TRIM23: variants seen among roughly 807,000 people sequenced by gnomAD.
TRIM23 encodes E3 ubiquitin-protein ligase TRIM23.
In TRIM23, 27 loss-of-function variants were observed where a neutral mutation model predicts 71.0. The ratio of observed to expected loss-of-function variants is 0.38; its 90% confidence interval spans 0.28 to 0.52. The LOEUF is 0.52. TRIM23 is among the 20% of genes least tolerant of loss of function. TRIM23 has a pLI of 0.84. For missense variants in TRIM23, 482 were observed against 692.3 expected (o/e 0.70, Z 3.41); for synonymous variants, 234 against 238.0 (o/e 0.98, Z 0.16).
chr5:65,613,286 T>G lies in TRIM23; in HGVS notation c.366+812A>C, dbSNP rs1034632003. Among the ~76,000 whole-genome samples the G allele has an allele frequency of 4.6e-5, 7 of 152,332 alleles. No homozygotes were observed. The East Asian group carries it at 1.2e-3, about 25-fold the overall frequency. On this transcript the variant is annotated intron_variant, in intron 3 of 10. Coordinates refer to ENST00000231524, the MANE Select transcript of TRIM23 (RefSeq NM_001656.4). ...AGCACAGAAAGAACTGCATAACTTT[T>G]AGAAAACAGAGTGTTGCAGTTTGAA...
At chr5:65,606,249 G>T (rs1754497732) in intron 6 of TRIM23, among the ~76,000 whole-genome samples, 1 of 152,088 alleles carries the variant, frequency 6.6e-6, no homozygotes, top group Non-Finnish European at 1.5e-5. Context: ...TTTTAGACCA[G>T]TCTGGGCAAC....
rs777085803 is a variant in TRIM23, at chr5:65,618,141, G to A, written c.196C>T (p.His66Tyr). ...CHDCLTRLPL[H>Y]GRAIRCPFDR... ...AATGGGCAACGGATTGCTCTTCCAT[G>A]AAGAGGTAGGCGAGTGAGACAGTCA... The change falls in exon 2 of 11, where the codon CAT (histidine) becomes TAT (tyrosine). Residue 66 changes from histidine (H) to tyrosine (Y), a missense_variant. This residue lies in a region of TRIM23 where 175 missense variants were observed against 196.5 expected (regional missense o/e 0.89). Transcript: ENST00000231524. The A allele has an allele frequency of 1.2e-5, 19 of 1,613,982 alleles. No individual in the cohort carries two copies. In the East Asian group the frequency reaches 4.2e-4, roughly 36 times the overall value.
At chr5:65,617,711 C>T (rs1754812644) in intron 2 of TRIM23, among the ~76,000 whole-genome samples, 1 of 152,046 alleles carries the variant, frequency 6.6e-6, no homozygotes, top group Non-Finnish European at 1.5e-5. Context: ...ACTCAAATGA[C>T]TTATCTGTAT....
In TRIM23 at chr5:65,591,851, G is replaced by C. The variant is rs765458704; in HGVS notation, c.1643C>G (p.Ala548Gly). The C allele has an allele frequency of 1.2e-6, 2 of 1,613,906 alleles. No individual in the cohort carries two copies. Among genetic ancestry groups the C allele is most frequent in the South Asian group, 2.2e-5 (2 of 91,080 alleles). ...GRSWYIQGCDARSGMGLYEGL... is the reference protein window; with the variant it reads ...GRSWYIQGCDGRSGMGLYEGL... ...TTCATACAGTCCCATACCACTTCGA[G>C]CATCACAGCCCTGAATATACCAGCT... The change falls in exon 11 of 11, where the codon GCT becomes GGT. Residue 548 changes from alanine to glycine, a missense_variant. Physicochemically the swap from Ala to Gly is moderately conservative, Grantham distance 60 (BLOSUM62 0). This residue lies in a region of TRIM23 where 307 missense variants were observed against 495.8 expected (regional missense o/e 0.62). Transcript: ENST00000231524.
chr5:65,620,242 G>A (rs1754894268), intron 1 of TRIM23, among the ~76,000 whole-genome samples: 1 of 152,116 alleles, frequency 6.6e-6, no homozygotes, highest in Non-Finnish European at 1.5e-5. Flanking sequence ...GAGCAATACA[G>A]CTTCTATGGA....
chr5:65,590,312 A>G lies in TRIM23; in HGVS notation c.*1457T>C. 7.0e-7 allele frequency: 1 copy of G among 1,438,476 alleles called. No homozygotes were observed. 89.1% of individuals were successfully genotyped at this position (1,438,476 alleles called of 1,614,324 possible). On this transcript the variant is annotated 3_prime_UTR_variant, in exon 11 of 11. Transcript: ENST00000231524. ...CAGCATGACCTTTTACCTGAAAAAT[A>G]AAGGATGAAATATTACATTTATTTA... is the stretch of plus-strand genomic sequence containing the variant.
In TRIM23 at chr5:65,594,509, A is replaced by C. The variant is rs1458392361; in HGVS notation, c.1545+12T>G. 1 of 1,595,266 alleles carries C rather than the reference A, an allele frequency of 6.3e-7. No homozygotes were observed. Among genetic ancestry groups the C allele is most frequent in the African/African-American group, 1.4e-5 (1 of 73,580 alleles). On this transcript the variant is annotated intron_variant, in intron 10 of 10. Transcript: ENST00000231524. ...CTACTAAAATAAATATTCCAATATA[A>C]AAATGCATTACCTGTTTGTTAGCAA...
chr5:65,621,786 TG>T (rs1754953942), intron 1 of TRIM23, among the ~76,000 whole-genome samples: 1 of 124,686 alleles, frequency 8.0e-6, no homozygotes. Flanking sequence ...TAAATCAAAC[TG>T]TAATCAATCA....
intron 7 of TRIM23, 101 bp from the exon 8 acceptor site, chr5:65,597,281 T>C (rs1007566332): frequency 1.7e-5 from 20 of 1,205,190 alleles, no homozygotes; most frequent in South Asian, 2.9e-5. Flanking sequence ...TCCTCAACCA[T>C]TGCAATCTGA....
Position 65,590,596 on chromosome 5 carries a change from T to C in TRIM23, c.*1173A>G, listed in dbSNP as rs953669338. Reference sequence around the variant, plus strand: ...CCTATTTAAATAAATCGTGCTTCCATAATAATATTCTTTAAAAATGAAAAA... The same window carrying C: ...CCTATTTAAATAAATCGTGCTTCCACAATAATATTCTTTAAAAATGAAAAA... On this transcript the variant is annotated 3_prime_UTR_variant, in exon 11 of 11. Transcript: ENST00000231524. 19 of 1,013,946 alleles carry C rather than the reference T, an allele frequency of 1.9e-5. No homozygotes were observed. The African/African-American group carries it at 3.2e-4, about 17-fold the overall frequency. 62.8% of individuals were successfully genotyped at this position (1,013,946 alleles called of 1,614,324 possible). A position where few individuals can be genotyped will look rare whatever the true frequency, so the allele number is the denominator to read the frequency against.
At chr5:65,612,006 G>T in intron 3 of TRIM23, 125 bp from the exon 4 acceptor site, 2 of 933,450 alleles carry the variant, frequency 2.1e-6, no homozygotes, top group Non-Finnish European at 3.1e-6. Flanking sequence ...AAATATATTG[G>T]TCATTAAGAA....
In TRIM23 at chr5:65,624,119, G is replaced by A. The variant is rs1021987796; in HGVS notation, c.81+75C>T. 3.8e-6 allele frequency: 6 copies of A among 1,587,244 alleles called. No homozygotes were observed. In the African/African-American group the frequency reaches 4.0e-5, roughly 11 times the overall value. The stretch of plus-strand genomic sequence containing the variant: ...TCCCACCTATCGAAGCCTGGGCCGC[G>A]GCGATGCCGCCAGGTCTCCAGGATG... On this transcript the variant is annotated intron_variant, in intron 1 of 10. Coordinates refer to ENST00000231524, the MANE Select transcript of TRIM23 (RefSeq NM_001656.4).
chr5:65,611,408 CT>C (rs776091723), intron 4 of TRIM23, among the ~76,000 whole-genome samples, 194 bp downstream of exon 4: 12 of 151,566 alleles, frequency 7.9e-5, no homozygotes, highest in Non-Finnish European at 1.3e-4. Flanking sequence ...CATGATGCCT[CT>C]TTGAAGTTTT....
At chr5:65,615,925 G>A (rs1429469596) in intron 2 of TRIM23, among the ~76,000 whole-genome samples, 2 of 152,116 alleles carry the variant, frequency 1.3e-5, no homozygotes, top group Non-Finnish European at 2.9e-5. Flanking sequence ...GTTCCCCACT[G>A]ACCACAAACA....
At chr5:65,602,327 C>T (rs1390537701) in intron 7 of TRIM23, among the ~76,000 whole-genome samples, 1 of 152,316 alleles carries the variant, frequency 6.6e-6, no homozygotes, top group East Asian at 1.9e-4. Flanking sequence ...TTTGCTAAAA[C>T]AGTAACAAGA....
At chr5:65,618,386 T>A (rs1372423410) in intron 1 of TRIM23, 131 bp from the exon 2 acceptor site, 3 of 978,660 alleles carry the variant, frequency 3.1e-6, no homozygotes, top group Admixed American at 7.6e-5. Flanking sequence ...AAAAAAACTA[T>A]GTAGGTTGTA....
intron 3 of TRIM23, among the ~76,000 whole-genome samples, chr5:65,612,760 A>G (rs1754686338): frequency 6.6e-6 from 1 of 152,226 alleles, no homozygotes; most frequent in African/African-American, 2.4e-5. Flanking sequence ...TGGAGGCTGC[A>G]GGGAACTGAG....
intron 1 of TRIM23, among the ~76,000 whole-genome samples, chr5:65,622,431 T>A (rs560213666): frequency 6.6e-5 from 10 of 152,224 alleles, no homozygotes; most frequent in African/African-American, 2.4e-4. Flanking sequence ...CCTCCCAAAG[T>A]GCTTCCCAGG....
At position 65,612,918 on chromosome 5, in the gene TRIM23, TTAC is replaced by T. The variant is rs528623994; in HGVS notation, c.367-1040_367-1038del. ...CAAAAAATAACTAATTATGAAATAA[TTAC>T]TTTTATTTCAAGTAGATAAAAAATT... is the stretch of plus-strand genomic sequence containing the variant. On this transcript the variant is annotated intron_variant, in intron 3 of 10. Coordinates refer to ENST00000231524, the MANE Select transcript of TRIM23 (RefSeq NM_001656.4). 2.0e-4 allele frequency among the ~76,000 whole-genome samples: 31 copies of T among 152,314 alleles called. No homozygotes were observed. In the South Asian group the frequency reaches 6.4e-3, roughly 32 times the overall value.
Sources: gnomAD v4.1 joint callset for allele counts (sites outside exome capture counted in the v4.1 genomes callset) on GRCh38, gnomAD v4.1.1 for gene constraint, gnomAD v4.1.1 regional missense constraint, MANE v1.5 for transcripts, NCBI Gene and HGNC (gene_info 2026-07-23, HGNC 2026-07-21) for gene names.